The following HCN1 variants were observed in gnomAD, a reference collection of about 807,000 sequenced individuals.
HCN1 encodes hyperpolarization activated cyclic nucleotide gated potassium channel 1.
HCN1 carries 13 observed loss-of-function variants against 78.9 expected under a neutral mutation model. The observed-to-expected ratio is 0.16, with a 90% CI of 0.11 to 0.26. The LOEUF is 0.26. HCN1 is among the 10% of genes least tolerant of loss of function. The pLI is 1.00. For missense variants in HCN1, 810 were observed against 1,154.3 expected (o/e 0.70, Z 4.32); for synonymous variants, 552 against 455.5 (o/e 1.21, Z -2.70).
chr5:45,482,397 C>T (rs373943386), intron 2 of HCN1, among the ~76,000 whole-genome samples: 7 of 152,110 alleles, frequency 4.6e-5, no homozygotes, highest in African/African-American at 1.4e-4. Flanking sequence ...ATGTATGCTT[C>T]CCTCCCCTTT....
At chr5:45,605,156 A>AT (rs976782820) in intron 2 of HCN1, among the ~76,000 whole-genome samples, 3 of 152,028 alleles carry the variant, frequency 2.0e-5, no homozygotes, top group African/African-American at 7.2e-5. Context: ...TTACTAGTAT[A>AT]TTTTTGAGAC....
At chr5:45,312,217 G>A (rs1332796417) in intron 5 of HCN1, among the ~76,000 whole-genome samples, 1 of 152,168 alleles carries the variant, frequency 6.6e-6, no homozygotes, top group African/African-American at 2.4e-5. Flanking sequence ...TTTGGCAAAC[G>A]GTAACCCTGC....
Position 45,385,275 on chromosome 5 carries a change from T to A in HCN1, c.1230+11217A>T, listed in dbSNP as rs149332292. On this transcript the variant is annotated intron_variant, in intron 4 of 7. Transcript: ENST00000303230. ...ATCCCTTATTGCTAGATTTTTTACATTGCTCATAGGAGGGATTACCACTGT... is the reference window on the plus strand; with the variant it reads ...ATCCCTTATTGCTAGATTTTTTACAATGCTCATAGGAGGGATTACCACTGT... Among the ~76,000 whole-genome samples the A allele has an allele frequency of 7.0e-3, 1,062 of 152,236 alleles. 16 individuals are homozygous for A. Among genetic ancestry groups the A allele is most frequent in the African/African-American group, 0.024 (1,010 of 41,552 alleles).
intron 5 of HCN1, among the ~76,000 whole-genome samples, chr5:45,313,696 T>C (rs1055052998): frequency 1.3e-5 from 2 of 152,116 alleles, no homozygotes; most frequent in South Asian, 2.1e-4. Flanking sequence ...CTGAAAACCA[T>C]GGCACGAGAA....
chr5:45,642,970 T>G (rs1215382777), intron 2 of HCN1: 1 of 152,160 alleles, frequency 6.6e-6, no homozygotes, highest in Non-Finnish European at 1.5e-5. Flanking sequence ...AATGGGCTTA[T>G]GGTTCATTTA....
At chr5:45,526,357 G>C (rs987984060) in intron 2 of HCN1, among the ~76,000 whole-genome samples, 1 of 152,012 alleles carries the variant, frequency 6.6e-6, no homozygotes, top group Non-Finnish European at 1.5e-5. Flanking sequence ...AAACTCCCTG[G>C]GAGACAACAG....
At chr5:45,265,866 A>G (rs1027843275) in intron 7 of HCN1, among the ~76,000 whole-genome samples, 1 of 152,212 alleles carries the variant, frequency 6.6e-6, no homozygotes, top group African/African-American at 2.4e-5. Context: ...AGCCAGTAAT[A>G]AAAGCAGTGC....
intron 2 of HCN1, among the ~76,000 whole-genome samples, chr5:45,533,855 A>G (rs1012070219): frequency 5.3e-5 from 8 of 152,280 alleles, no homozygotes; most frequent in African/African-American, 1.9e-4. Context: ...TCCCAAGAAG[A>G]CAAAGAGACC....
intron 1 of HCN1, among the ~76,000 whole-genome samples, chr5:45,681,555 A>AT (rs894422791): frequency 6.6e-6 from 1 of 152,066 alleles, no homozygotes. Context: ...GGTAAACACG[A>AT]TAAAAAAAAA....
At chr5:45,655,234 TTAAA>T (rs1208327552) in intron 1 of HCN1, among the ~76,000 whole-genome samples, 10 of 152,234 alleles carry the variant, frequency 6.6e-5, no homozygotes, top group South Asian at 2.1e-4. Context: ...GTATTAAATG[TTAAA>T]TAAAGTATTA....
At chr5:45,281,757 A>T (rs1277750896) in intron 6 of HCN1, among the ~76,000 whole-genome samples, 1 of 149,154 alleles carries the variant, frequency 6.7e-6, no homozygotes, top group African/African-American at 2.5e-5. Flanking sequence ...CCGGGGGCTA[A>T]TTTTTTTTTG....
intron 2 of HCN1, among the ~76,000 whole-genome samples, chr5:45,557,624 T>C (rs939715541): frequency 3.9e-5 from 6 of 152,246 alleles, no homozygotes; most frequent in Middle Eastern, 3.4e-3. Context: ...AAACAGCATG[T>C]GCTCCTTCAT....
At chr5:45,352,676 G>T (rs1475032637) in intron 5 of HCN1, among the ~76,000 whole-genome samples, 1 of 151,848 alleles carries the variant, frequency 6.6e-6, no homozygotes, top group East Asian at 1.9e-4. Context: ...ATGTTGCAAA[G>T]TGTTTGAATG....
intron 2 of HCN1, chr5:45,575,019 A>G (rs1226810785): frequency 6.6e-6 from 1 of 152,230 alleles, no homozygotes; most frequent in Admixed American, 6.5e-5. Context: ...GTGCAAGGTG[A>G]TGCAGCAACT....
At chr5:45,336,772 G>A (rs1474763905) in intron 5 of HCN1, among the ~76,000 whole-genome samples, 9 of 152,020 alleles carry the variant, frequency 5.9e-5, no homozygotes, top group Non-Finnish European at 1.3e-4. Context: ...TGTCTAGTGA[G>A]GGGCCACTTC....
intron 1 of HCN1, among the ~76,000 whole-genome samples, chr5:45,657,689 T>C (rs1187694833): frequency 2.6e-5 from 4 of 152,124 alleles, no homozygotes; most frequent in Non-Finnish European, 4.4e-5. Flanking sequence ...ACAAGGGATG[T>C]GAAGGACCTC....
At position 45,441,035 on chromosome 5, in the gene HCN1, G is replaced by C. The variant is rs1579896580; in HGVS notation, c.1011+20811C>G. 2.0e-5 allele frequency among the ~76,000 whole-genome samples: 3 copies of C among 152,192 alleles called. No homozygotes were observed. In the East Asian group the frequency reaches 5.8e-4, roughly 29 times the overall value. ...TGGATTATTCTTTTTCCAGATATTA[G>C]CATAACTTCTTCCTTCATTTCCTTG... On this transcript the variant is annotated intron_variant, in intron 3 of 7. Transcript: ENST00000303230.
intron 2 of HCN1, among the ~76,000 whole-genome samples, chr5:45,636,304 A>C (rs2112018742): frequency 6.6e-6 from 1 of 152,348 alleles, no homozygotes; most frequent in Admixed American, 6.5e-5. Context: ...TTAAACCAGA[A>C]GCACATCACA....
intron 3 of HCN1, among the ~76,000 whole-genome samples, chr5:45,415,331 C>A (rs1740098779): frequency 1.3e-5 from 2 of 151,976 alleles, no homozygotes; most frequent in African/African-American, 4.8e-5. Flanking sequence ...TCAAATCATG[C>A]CACTCCCATG....
Sources: allele counts gnomAD v4.1 joint callset (sites outside exome capture counted in the v4.1 genomes callset), GRCh38; gene constraint gnomAD v4.1.1; transcripts MANE v1.5; gene names NCBI Gene and HGNC (gene_info 2026-07-23, HGNC 2026-07-21).